The following MBTD1 variants were observed in gnomAD, a reference collection of about 807,000 sequenced individuals.
The protein encoded by MBTD1 is mbt domain containing 1.
In MBTD1, 24 loss-of-function variants were observed where a neutral mutation model predicts 87.8. That is an observed-to-expected ratio of 0.27 (90% CI 0.20 to 0.38). MBTD1 has a LOEUF of 0.38. Among genes scored for constraint, MBTD1 ranks in the 10% least tolerant of loss-of-function variants. MBTD1 has a pLI of 1.00. For synonymous variants in MBTD1, 237 were observed against 248.6 expected, an observed-to-expected ratio of 0.95 and a Z score of 0.44; for missense variants, 436 against 760.2, an observed-to-expected ratio of 0.57 and a Z score of 5.02.
chr17:51,208,221 A>G (rs1436517175), intron 6 of MBTD1, among the ~76,000 whole-genome samples: 4 of 152,230 alleles, frequency 2.6e-5, no homozygotes, highest in South Asian at 2.1e-4. Context: ...CTGAAGTTGG[A>G]TAAGTCTAGA....
chr17:51,192,909 G>A lies in MBTD1; in HGVS notation c.1563C>T (p.Leu521=), dbSNP rs2050880658. ...VATVTRIIHR[L]LRIHFDGWEE... is the part of the protein sequence containing the mutation. ...CCCATCCATCAAAATGTATCCTCAAGAGACGATGAATAATTCGAGTTACTG... is the reference window on the plus strand; with the variant it reads ...CCCATCCATCAAAATGTATCCTCAAAAGACGATGAATAATTCGAGTTACTG... The change falls in exon 15 of 17, where the codon CTC becomes CTT. Residue 521 remains leucine (L), a synonymous_variant. Coordinates refer to ENST00000586178, the MANE Select transcript of MBTD1 (RefSeq NM_017643.3). 2 of 1,614,014 alleles carry A rather than the reference G, an allele frequency of 1.2e-6. No homozygotes were observed. The highest frequency in any genetic ancestry group is 1.7e-6 in the Non-Finnish European group (2 of 1,179,998).
Position 51,260,025 on chromosome 17 carries a change from G to A in MBTD1, c.-303C>T, listed in dbSNP as rs1387591197. On this transcript the variant is annotated 5_prime_UTR_variant, in exon 1 of 17. Transcript: ENST00000586178. ...CCCGGATTTCCCCCCTTTAACTCGG[G>A]TGGCCCCAGGATATCAACAACATTA... 7 of 446,276 alleles carry A rather than the reference G, an allele frequency of 1.6e-5. No individual in the cohort carries two copies. The highest frequency in any genetic ancestry group is 2.6e-5 in the Non-Finnish European group (7 of 271,530). The allele number at this position is 446,276 out of a possible 1,614,324, so 27.6% of individuals were successfully genotyped here. A position where few individuals can be genotyped will look rare whatever the true frequency, so the allele number is the denominator to read the frequency against.
intron 3 of MBTD1, among the ~76,000 whole-genome samples, chr17:51,222,952 C>T (rs1483732690): frequency 6.6e-6 from 1 of 151,922 alleles, no homozygotes; most frequent in African/African-American, 2.4e-5. Context: ...AGGCACATGA[C>T]ACCATGCCCA....
rs2052496101 is a variant in MBTD1 at position 51,215,213 on chromosome 17, T to C, written c.486+2121A>G. ...AAGCAGAGGCTCCACATTCTTATCA[T>C]TAATCATGTGGTAAGGTTAGCTGCT... On this transcript the variant is annotated intron_variant, in intron 6 of 16. Coordinates refer to ENST00000586178, the MANE Select transcript of MBTD1 (RefSeq NM_017643.3). Among the ~76,000 whole-genome samples the C allele has an allele frequency of 3.9e-5, 6 of 152,216 alleles. No individual in the cohort carries two copies. The South Asian group carries it at 1.2e-3, about 31-fold the overall frequency.
At chr17:51,233,426 T>C (rs947455626) in intron 2 of MBTD1, among the ~76,000 whole-genome samples, 23 of 152,114 alleles carry the variant, frequency 1.5e-4, no homozygotes, top group Admixed American at 5.2e-4. Context: ...GATGTAAGAA[T>C]AGGATACTAT....
At chr17:51,258,052 G>A (rs1403456433) in intron 2 of MBTD1, among the ~76,000 whole-genome samples, 1 of 150,836 alleles carries the variant, frequency 6.6e-6, no homozygotes, top group Non-Finnish European at 1.5e-5. Context: ...TAAACACTCT[G>A]GTGTTGAGGT....
At chr17:51,188,820 C>T (rs1055942756) in intron 16 of MBTD1, among the ~76,000 whole-genome samples, 2 of 136,718 alleles carry the variant, frequency 1.5e-5, no homozygotes, top group African/African-American at 5.6e-5. Context: ...AGTGCAATGG[C>T]GCGATCTCGG....
In MBTD1 at chr17:51,179,481, A is replaced by ATTATATATATATATATATATATATATAT. The variant is rs1491272569; in HGVS notation, c.*1094_*1095insATATATATATATATATATATATATATAA. ...TAAATCCTGAATACAATTAAAGACAATTTTATATATATATATATATATATA... is the reference window on the plus strand; with the variant it reads ...TAAATCCTGAATACAATTAAAGACAATTATATATATATATATATATATATATATTTTTATATATATATATATATATATA... On this transcript the variant is annotated 3_prime_UTR_variant, in exon 17 of 17. Coordinates refer to ENST00000586178, the MANE Select transcript of MBTD1 (RefSeq NM_017643.3). 1 of 49,292 alleles carries ATTATATATATATATATATATATATATAT rather than the reference A, an allele frequency of 2.0e-5. No individual in the cohort carries two copies. The highest frequency in any genetic ancestry group is 4.1e-5 in the Non-Finnish European group (1 of 24,526). 3.1% of individuals were successfully genotyped at this position (49,292 alleles called of 1,614,324 possible).
intron 2 of MBTD1, among the ~76,000 whole-genome samples, chr17:51,246,156 T>C (rs773811769): frequency 1.3e-5 from 2 of 152,242 alleles, no homozygotes; most frequent in African/African-American, 2.4e-5. Flanking sequence ...AATATGTGCA[T>C]ACGCATAATT....
At chr17:51,199,107 C>CT (rs978481588) in intron 12 of MBTD1, among the ~76,000 whole-genome samples, 101 of 151,340 alleles carry the variant, frequency 6.7e-4, no homozygotes, top group East Asian at 1.9e-4. Context: ...TTATTTTTTT[C>CT]TTTTTTTTGA....
intron 2 of MBTD1, among the ~76,000 whole-genome samples, chr17:51,236,098 AG>A (rs1486884144): frequency 6.6e-6 from 1 of 152,162 alleles, no homozygotes; most frequent in Non-Finnish European, 1.5e-5. Context: ...ATATATCTAT[AG>A]ATTTACATAC....
chr17:51,202,256 C>T (rs758597478), intron 10 of MBTD1, among the ~76,000 whole-genome samples, 179 bp from the exon 11 acceptor site: 5 of 152,112 alleles, frequency 3.3e-5, no homozygotes, highest in Admixed American at 6.6e-5. Flanking sequence ...AGTACATGTG[C>T]ATATATGCTT....
intron 2 of MBTD1, among the ~76,000 whole-genome samples, chr17:51,257,365 C>T (rs1357633273): frequency 6.6e-6 from 1 of 152,232 alleles, no homozygotes; most frequent in African/African-American, 2.4e-5. Context: ...AATGTGGTTA[C>T]TCAGACTACT....
chr17:51,243,400 A>G (rs1050448422), intron 2 of MBTD1, among the ~76,000 whole-genome samples: 1 of 152,108 alleles, frequency 6.6e-6, no homozygotes, highest in African/African-American at 2.4e-5. Context: ...AACAATTACT[A>G]ATATTTTGCC....
intron 13 of MBTD1, among the ~76,000 whole-genome samples, chr17:51,194,663 G>A (rs1401281720): frequency 6.7e-6 from 1 of 148,750 alleles, no homozygotes; most frequent in East Asian, 2.0e-4. Context: ...GGGAGGATCA[G>A]TTGAGGCCAG....
At chr17:51,187,866 G>GAAAGA (rs776240536) in intron 16 of MBTD1, among the ~76,000 whole-genome samples, 1 of 118,152 alleles carries the variant, frequency 8.5e-6, no homozygotes, top group Non-Finnish European at 1.8e-5. Context: ...AAGAAAGAAA[G>GAAAGA]AAAAAAAAAA....
In MBTD1 at chr17:51,177,648, A is replaced by G. The variant is rs1454863293; in HGVS notation, c.*2928T>C. The G allele has an allele frequency of 6.6e-6, 1 of 152,182 alleles. No individual in the cohort carries two copies. The highest frequency in any genetic ancestry group is 1.5e-5 in the Non-Finnish European group (1 of 68,040). 9.4% of individuals were successfully genotyped at this position (152,182 alleles called of 1,614,324 possible). The stretch of plus-strand genomic sequence containing the variant: ...CTTTCTCAATGATCACGAGTTACCA[A>G]GAAAATAAAAGATTAAATTTGTACA... On this transcript the variant is annotated 3_prime_UTR_variant, in exon 17 of 17. Coordinates refer to ENST00000586178, the MANE Select transcript of MBTD1 (RefSeq NM_017643.3).
At chr17:51,256,250 T>C (rs974944504) in intron 2 of MBTD1, 3 of 152,218 alleles carry the variant, frequency 2.0e-5, no homozygotes, top group Non-Finnish European at 2.9e-5. Context: ...AGGGCTGATG[T>C]TCACCCTGTA....
intron 6 of MBTD1, among the ~76,000 whole-genome samples, chr17:51,210,897 G>A (rs1369796715): frequency 6.6e-6 from 1 of 152,174 alleles, no homozygotes; most frequent in Non-Finnish European, 1.5e-5. Flanking sequence ...AGGACTTTGG[G>A]AGGCCAAGGT....
Sources: allele counts gnomAD v4.1 joint callset (sites outside exome capture counted in the v4.1 genomes callset), GRCh38; gene constraint gnomAD v4.1.1; transcripts MANE v1.5; gene names NCBI Gene and HGNC (gene_info 2026-07-23, HGNC 2026-07-21).